Variants in COL25A1 observed in about 807,000 individuals in gnomAD.
The protein encoded by COL25A1 is collagen type XXV alpha 1 chain.
Under a neutral mutation model 128.4 loss-of-function variants are expected in COL25A1, and 103 were observed. The observed-to-expected ratio is 0.80, with a 90% confidence interval of 0.68 to 0.94. The LOEUF is 0.94. Ranked by LOEUF, COL25A1 falls within the 40% of genes least tolerant of loss-of-function variation. The probability of loss-of-function intolerance (pLI) is 0.00; values close to 1 mark genes in which losing one functional copy is unlikely to be tolerated. For missense variants in COL25A1, 745 were observed against 840.0 expected (o/e 0.89, Z 1.40); for synonymous variants, 279 against 277.2 (o/e 1.01, Z -0.06).
intron 31 of COL25A1, among the ~76,000 whole-genome samples, chr4:108,837,920 C>G (rs1733997594): frequency 6.6e-6 from 1 of 152,212 alleles, no homozygotes; most frequent in South Asian, 2.1e-4. Flanking sequence ...GGGTCTTCCT[C>G]TGACACAAGA....
intron 3 of COL25A1, among the ~76,000 whole-genome samples, chr4:109,082,957 T>C (rs1763987704): frequency 6.6e-6 from 1 of 152,158 alleles, no homozygotes; most frequent in Non-Finnish European, 1.5e-5. Context: ...CATTAAATAT[T>C]ATTAGATGAG....
intron 5 of COL25A1, among the ~76,000 whole-genome samples, chr4:109,012,175 G>A (rs778075570): frequency 2.6e-5 from 4 of 152,174 alleles, no homozygotes; most frequent in Non-Finnish European, 4.4e-5. Flanking sequence ...ACTATGCCCC[G>A]CTAACTTTAT....
At chr4:108,996,699 A>C (rs545672457) in intron 6 of COL25A1, among the ~76,000 whole-genome samples, 54 of 152,330 alleles carry the variant, frequency 3.5e-4, no homozygotes, top group Non-Finnish European at 6.9e-4. Flanking sequence ...CATCGTACTT[A>C]TTCCAAAATT....
In COL25A1 at chr4:109,041,384, C is replaced by T. The variant is rs976594632; in HGVS notation, c.420+6784G>A. Among the ~76,000 whole-genome samples the T allele has an allele frequency of 1.2e-4, 18 of 151,762 alleles. 1 individual carries two copies. In the South Asian group the frequency reaches 3.8e-3, roughly 32 times the overall value. On this transcript the variant is annotated intron_variant, in intron 5 of 37. Coordinates refer to ENST00000399132, the MANE Select transcript of COL25A1 (RefSeq NM_198721.4). The stretch of plus-strand genomic sequence containing the variant: ...TCACCCCCTTTTTTAAAAAAAAATC[C>T]CCTTCCTTTAATTTTTGTTCTGTTC...
At chr4:109,000,522 G>A (rs2126028060) in intron 6 of COL25A1, among the ~76,000 whole-genome samples, 1 of 152,060 alleles carries the variant, frequency 6.6e-6, no homozygotes, top group Admixed American at 6.5e-5. Context: ...GAGGCAGGAG[G>A]ATCACCTGAG....
At chr4:109,037,051 C>A (rs1430120544) in intron 5 of COL25A1, among the ~76,000 whole-genome samples, 1 of 152,170 alleles carries the variant, frequency 6.6e-6, no homozygotes, top group East Asian at 1.9e-4. Context: ...CCTATAAAAT[C>A]CTTGTGCTCT....
intron 3 of COL25A1, among the ~76,000 whole-genome samples, chr4:109,163,333 C>T (rs759155362): frequency 1.3e-5 from 2 of 152,206 alleles, no homozygotes; most frequent in African/African-American, 2.4e-5. Flanking sequence ...ACAGGCTTTA[C>T]GTTGCCAGTT....
In COL25A1 at chr4:108,884,162, T is replaced by C; in HGVS notation, c.1020+16A>G. On this transcript the variant is annotated intron_variant, in intron 19 of 37. Coordinates refer to ENST00000399132, the MANE Select transcript of COL25A1 (RefSeq NM_198721.4). ...TTACAGTTCTGTGAAGCCGAGACTG[T>C]CCGTGCAGTATTTACCTTTATCCCC... The C allele has an allele frequency of 1.2e-6, 2 of 1,613,230 alleles. No individual in the cohort carries two copies. The highest frequency in any genetic ancestry group is 8.5e-7 in the Non-Finnish European group (1 of 1,179,384).
At chr4:108,960,853 C>T (rs1200316152) in intron 8 of COL25A1, among the ~76,000 whole-genome samples, 1 of 152,126 alleles carries the variant, frequency 6.6e-6, no homozygotes, top group Admixed American at 6.6e-5. Context: ...TTGATGCGAT[C>T]ATCAAGAACT....
intron 6 of COL25A1, among the ~76,000 whole-genome samples, chr4:109,004,626 T>G (rs28463780): frequency 6.6e-6 from 1 of 152,130 alleles, no homozygotes; most frequent in African/African-American, 2.4e-5. Context: ...GTCCTCAAGA[T>G]AGTAAATTCT....
chr4:109,025,767 C>T (rs990724180), intron 5 of COL25A1, among the ~76,000 whole-genome samples: 17 of 152,224 alleles, frequency 1.1e-4, no homozygotes, highest in African/African-American at 3.6e-4. Flanking sequence ...CACTACACAA[C>T]ACCAAGAGTT....
At chr4:109,065,469 G>T (rs1274990342) in intron 3 of COL25A1, among the ~76,000 whole-genome samples, 2 of 151,696 alleles carry the variant, frequency 1.3e-5, no homozygotes, top group Non-Finnish European at 2.9e-5. Context: ...TATTGCACTA[G>T]AAAATGTTGA....
At chr4:109,187,198 TCTACACA>T (rs1560833128) in intron 3 of COL25A1, among the ~76,000 whole-genome samples, 1 of 101,822 alleles carries the variant, frequency 9.8e-6, no homozygotes, top group African/African-American at 4.0e-5. Context: ...TCTCTTGCTC[TCTACACA>T]CACACACACA....
rs1730997434 is a variant in COL25A1 at position 108,813,783 on chromosome 4, G to T, written c.*144C>A. 1 of 627,492 alleles carries T rather than the reference G, an allele frequency of 1.6e-6. No homozygotes were observed. The highest frequency in any genetic ancestry group is 2.8e-6 in the Non-Finnish European group (1 of 353,292). 38.9% of individuals were successfully genotyped at this position (627,492 alleles called of 1,614,324 possible). ...TTTCAGATGTAAGTGGAGTAAAAATGGACATGTATACTACTGCCAGCAGGA... is the reference window on the plus strand; with the variant it reads ...TTTCAGATGTAAGTGGAGTAAAAATTGACATGTATACTACTGCCAGCAGGA... On this transcript the variant is annotated 3_prime_UTR_variant, in exon 38 of 38. Coordinates refer to ENST00000399132, the MANE Select transcript of COL25A1 (RefSeq NM_198721.4).
At chr4:108,870,249 C>T (rs1038933953) in intron 19 of COL25A1, among the ~76,000 whole-genome samples, 11 of 152,072 alleles carry the variant, frequency 7.2e-5, no homozygotes, top group Non-Finnish European at 1.0e-4. Context: ...GAGCAAGACC[C>T]TGTCTCAAAG....
intron 6 of COL25A1, among the ~76,000 whole-genome samples, chr4:108,996,330 T>C (rs1465275509): frequency 6.7e-6 from 1 of 149,096 alleles, no homozygotes; most frequent in African/African-American, 2.5e-5. Flanking sequence ...GCAATCCTGG[T>C]CTCTGATAAG....
At chr4:109,145,705 G>A (rs953890284) in intron 3 of COL25A1, among the ~76,000 whole-genome samples, 3 of 152,126 alleles carry the variant, frequency 2.0e-5, no homozygotes, top group African/African-American at 7.2e-5. Flanking sequence ...GCCAGGCATG[G>A]TGGTGGGTGC....
chr4:109,159,560 G>A lies in COL25A1; in HGVS notation c.368-109381C>T, dbSNP rs188632253. Among the ~76,000 whole-genome samples the A allele has an allele frequency of 1.0e-3, 153 of 152,160 alleles. 1 individual carries two copies. The highest frequency in any genetic ancestry group is 3.3e-3 in the African/African-American group (135 of 41,506). On this transcript the variant is annotated intron_variant, in intron 3 of 37. Transcript: ENST00000399132. Reference sequence around the variant, plus strand: ...CCCTCAGGATTTCTTCCAAATAACTGCAATGGCCAGGAGTTGAGTAATTTG... The same window carrying A: ...CCCTCAGGATTTCTTCCAAATAACTACAATGGCCAGGAGTTGAGTAATTTG...
At chr4:109,024,893 A>G (rs938977333) in intron 5 of COL25A1, among the ~76,000 whole-genome samples, 2 of 152,192 alleles carry the variant, frequency 1.3e-5, no homozygotes, top group African/African-American at 4.8e-5. Flanking sequence ...TGTATGCCAC[A>G]TATCACTTTT....
Sources: allele counts gnomAD v4.1 joint callset (sites outside exome capture counted in the v4.1 genomes callset), GRCh38; gene constraint gnomAD v4.1.1; transcripts MANE v1.5; gene names NCBI Gene and HGNC (gene_info 2026-07-23, HGNC 2026-07-21).